Variants in GPR158 observed in about 807,000 individuals in gnomAD.
The protein encoded by GPR158 is metabotropic glycine receptor.
Under a neutral mutation model 78.2 loss-of-function variants are expected in GPR158, and 30 were observed. The ratio of observed to expected loss-of-function variants is 0.38; its 90% CI spans 0.29 to 0.52. The LOEUF is 0.52. Ranked by LOEUF, GPR158 falls within the 20% of genes least tolerant of loss-of-function variation. The probability of loss-of-function intolerance (pLI) is 0.83; values close to 1 mark genes in which losing one functional copy is unlikely to be tolerated. For missense variants in GPR158, 1,463 were observed against 1,523.5 expected, an observed-to-expected ratio of 0.96 and a Z score of 0.66; for synonymous variants, 581 against 591.1, an observed-to-expected ratio of 0.98 and a Z score of 0.25.
chr10:25,426,498 A>C (rs1013764185), intron 4 of GPR158, among the ~76,000 whole-genome samples: 1 of 152,070 alleles, frequency 6.6e-6, no homozygotes, highest in African/African-American at 2.4e-5. Flanking sequence ...TTGAATACTT[A>C]GAGACCATTG....
At chr10:25,535,404 G>A (rs542067380) in intron 5 of GPR158, among the ~76,000 whole-genome samples, 1 of 152,210 alleles carries the variant, frequency 6.6e-6, no homozygotes, top group Non-Finnish European at 1.5e-5. Context: ...AAGGAACTGA[G>A]AATGGCCTCC....
At chr10:25,318,193 T>G (rs1034744402) in intron 2 of GPR158, among the ~76,000 whole-genome samples, 1 of 152,142 alleles carries the variant, frequency 6.6e-6, no homozygotes, top group Non-Finnish European at 1.5e-5. Context: ...AGGGAGTATG[T>G]GTCTTCCAGT....
rs201713753 is a variant in GPR158 at position 25,599,002 on chromosome 10, G to T, written c.3376G>T (p.Ala1126Ser). Residue 1126 changes from alanine (A) to serine (S), a missense_variant, in exon 11 of 11, where the codon GCA becomes TCA. Transcript: ENST00000376351. ...QSEELPPKAV[A>S]SKTENENLNQ... ...CGAAGAACTGCCCCCCAAAGCTGTA[G>T]CATCAAAAACAGAGAATGAAAATCT... 1.2e-6 allele frequency: 2 copies of T among 1,614,146 alleles called. No homozygotes were observed. The highest frequency in any genetic ancestry group is 1.7e-6 in the Non-Finnish European group (2 of 1,180,028).
intron 2 of GPR158, among the ~76,000 whole-genome samples, chr10:25,242,324 T>C (rs1412645235): frequency 6.6e-6 from 1 of 152,250 alleles, no homozygotes; most frequent in Non-Finnish European, 1.5e-5. Flanking sequence ...AGCTGGTTAT[T>C]AATTTCATAG....
intron 2 of GPR158, among the ~76,000 whole-genome samples, chr10:25,289,304 G>T (rs1175944876): frequency 6.6e-6 from 1 of 152,178 alleles, no homozygotes; most frequent in Non-Finnish European, 1.5e-5. Flanking sequence ...GCAATAAAAT[G>T]TATTAAAGTT....
At chr10:25,398,048 G>A (rs1834389866) in intron 3 of GPR158, among the ~76,000 whole-genome samples, 1 of 152,052 alleles carries the variant, frequency 6.6e-6, no homozygotes, top group South Asian at 2.1e-4. Flanking sequence ...CAGGGACTTC[G>A]ACTACTACAA....
At chr10:25,425,564 C>CA (rs1395881933) in intron 4 of GPR158, among the ~76,000 whole-genome samples, 1 of 151,526 alleles carries the variant, frequency 6.6e-6, no homozygotes, top group African/African-American at 2.4e-5. Context: ...GGTACTTAAA[C>CA]AAAAAAGCTC....
intron 5 of GPR158, among the ~76,000 whole-genome samples, chr10:25,479,316 A>T (rs192884286): frequency 1.6e-4 from 24 of 152,282 alleles, no homozygotes; most frequent in African/African-American, 5.5e-4. Context: ...CAGCTAAGAA[A>T]TTGAACTCAA....
intron 2 of GPR158, among the ~76,000 whole-genome samples, chr10:25,329,439 C>CAA (rs57202909): frequency 7.6e-4 from 100 of 131,118 alleles, no homozygotes; most frequent in East Asian, 7.0e-3. Context: ...GACTCCGTTT[C>CAA]AAAAAAAAAA....
rs536178780 is a variant in GPR158, at chr10:25,509,981, T to C, written c.1405-40995T>C. ...CACCTGCCCTGGCCTCCCAAAGTGC[T>C]GGGATTACAGGCATGAGCCACCGTG... On this transcript the variant is annotated intron_variant, in intron 5 of 10. Coordinates refer to ENST00000376351, the MANE Select transcript of GPR158 (RefSeq NM_020752.3). Among the ~76,000 whole-genome samples the C allele has an allele frequency of 2.6e-5, 4 of 152,342 alleles. No individual in the cohort carries two copies. The South Asian group carries it at 8.3e-4, about 32-fold the overall frequency.
chr10:25,527,209 G>T (rs1026931381), intron 5 of GPR158, among the ~76,000 whole-genome samples: 1 of 152,124 alleles, frequency 6.6e-6, no homozygotes, highest in Non-Finnish European at 1.5e-5. Context: ...TTACACCTTT[G>T]TGCAAAATAA....
In GPR158 at chr10:25,597,931, T is replaced by C; in HGVS notation, c.2305T>C (p.Cys769Arg). The change falls in exon 11 of 11, where the codon TGC becomes CGC. Residue 769 changes from cysteine to arginine, a missense_variant. By Grantham distance (180) the Cys-to-Arg change is radical. Coordinates refer to ENST00000376351, the MANE Select transcript of GPR158 (RefSeq NM_020752.3). The stretch of plus-strand genomic sequence containing the variant: ...GATCCCAGAGACAGTCAGCCGGCAG[T>C]GCTCTAAAGAGGACAAGGAGGGCGC... ...TEIPETVSRQ[C>R]SKEDKEGADH... The C allele has an allele frequency of 1.2e-6, 2 of 1,612,660 alleles. No individual in the cohort carries two copies. The highest frequency in any genetic ancestry group is 1.1e-5 in the South Asian group (1 of 90,966).
intron 4 of GPR158, among the ~76,000 whole-genome samples, chr10:25,444,788 T>C (rs1023712086): frequency 1.3e-5 from 2 of 152,144 alleles, no homozygotes; most frequent in African/African-American, 4.8e-5. Flanking sequence ...ATCCCATTTA[T>C]AATATCATTG....
rs74369544 is a variant in GPR158 at position 25,276,620 on chromosome 10, C to T, written c.1008+55463C>T. Among the ~76,000 whole-genome samples, 1,517 of 152,276 alleles carry T rather than the reference C, an allele frequency of 1.0e-2. 44 individuals are homozygous for T. The highest frequency in any genetic ancestry group is 0.035 in the African/African-American group (1,457 of 41,560). ...AAAGATCCTTGTAATTGGACCTCAT[C>T]TGGAAAGAGATAAGACAAGAGGAAC... On this transcript the variant is annotated intron_variant, in intron 2 of 10. Transcript: ENST00000376351.
At chr10:25,501,352 T>C (rs1835944219) in intron 5 of GPR158, among the ~76,000 whole-genome samples, 1 of 152,206 alleles carries the variant, frequency 6.6e-6, no homozygotes, top group Non-Finnish European at 1.5e-5. Context: ...CTGACCGTCT[T>C]TATCAAAGGT....
At chr10:25,322,756 C>T (rs1854970077) in intron 2 of GPR158, among the ~76,000 whole-genome samples, 1 of 152,178 alleles carries the variant, frequency 6.6e-6, no homozygotes, top group South Asian at 2.1e-4. Context: ...ATGAAAACAA[C>T]ATTAATCTTC....
At chr10:25,496,892 C>T (rs1216219913) in intron 5 of GPR158, among the ~76,000 whole-genome samples, 3 of 152,178 alleles carry the variant, frequency 2.0e-5, no homozygotes, top group African/African-American at 7.2e-5. Context: ...GAGGAAGTAT[C>T]TCAGTTGCCA....
intron 5 of GPR158, among the ~76,000 whole-genome samples, chr10:25,499,175 G>C (rs1407952611): frequency 1.3e-5 from 2 of 151,372 alleles, no homozygotes; most frequent in Non-Finnish European, 2.9e-5. Context: ...AAAGTTTTCT[G>C]ATTTCAGTAA....
intron 2 of GPR158, among the ~76,000 whole-genome samples, chr10:25,334,127 TA>T (rs892834001): frequency 6.6e-6 from 1 of 152,088 alleles, no homozygotes; most frequent in South Asian, 2.1e-4. Flanking sequence ...ATTTTATGTA[TA>T]AAAAGTTAAA....
Sources: allele counts gnomAD v4.1 joint callset (sites outside exome capture counted in the v4.1 genomes callset), GRCh38; gene constraint gnomAD v4.1.1; transcripts MANE v1.5; gene names NCBI Gene and HGNC (gene_info 2026-07-23, HGNC 2026-07-21).